Variants in POLR1C observed in about 807,000 individuals in gnomAD.
POLR1C encodes RNA polymerase I and III subunit C.
In POLR1C, 42 loss-of-function variants were observed where a neutral mutation model predicts 38.3. The observed-to-expected ratio is 1.10, with a 90% CI of 0.86 to 1.42. The LOEUF is 1.42. POLR1C is among the 40% of genes most tolerant of loss of function. POLR1C has a pLI of 0.00. For missense variants in POLR1C, 507 were observed against 450.5 expected, an observed-to-expected ratio of 1.13 and a Z score of -1.14; for synonymous variants, 163 against 163.9, an observed-to-expected ratio of 0.99 and a Z score of 0.04.
At chr6:43,548,182 T>A (rs1430182063) in intron 9 of POLR1C, 1 of 1,403,106 alleles carries the variant, frequency 7.1e-7, no homozygotes, top group East Asian at 2.3e-5. Context: ...CCTTAACCCC[T>A]ACCCCACCCT....
downstream of POLR1C, chr6:43,524,055 TA>T: frequency 6.3e-7 from 1 of 1,592,252 alleles, no homozygotes. Flanking sequence ...CAGTAGTAGT[TA>T]AAAGATTCTC....
intron 10 of POLR1C, among the ~76,000 whole-genome samples, chr6:43,556,481 G>A (rs777315435): frequency 3.2e-4 from 47 of 148,212 alleles, no homozygotes; most frequent in Non-Finnish European, 6.2e-4. Context: ...AGCCATGATC[G>A]CAGCACCACT....
chr6:43,523,297 T>G (rs1793311967), downstream of POLR1C: 1 of 233,308 alleles, frequency 4.3e-6, no homozygotes, highest in African/African-American at 2.3e-5. Context: ...GGTGACCAGA[T>G]TCTTGCCCAA....
At chr6:43,553,919 T>C (rs1330992522) in intron 10 of POLR1C, among the ~76,000 whole-genome samples, 1 of 152,150 alleles carries the variant, frequency 6.6e-6, no homozygotes, top group Non-Finnish European at 1.5e-5. Flanking sequence ...ATAATTAAAA[T>C]TGAGACCATA....
intron 10 of POLR1C, chr6:43,551,319 G>A: frequency 1.9e-6 from 3 of 1,613,192 alleles, no homozygotes; most frequent in Non-Finnish European, 1.7e-6. Flanking sequence ...CCTGGGGCAG[G>A]AACTCTGGTC....
downstream of POLR1C, chr6:43,522,924 A>G (rs1793285791): frequency 5.9e-6 from 1 of 169,174 alleles, no homozygotes; most frequent in South Asian, 1.2e-4. Context: ...TCTTTTGGAA[A>G]TGGCCTTTGA....
chr6:43,533,892 G>T, downstream of POLR1C: 1 of 1,574,448 alleles, frequency 6.4e-7, no homozygotes, highest in Non-Finnish European at 8.7e-7. Flanking sequence ...GGAGAAAAAA[G>T]GTTACATTTC....
At chr6:43,559,917 G>A (rs762467842) in intron 10 of POLR1C, among the ~76,000 whole-genome samples, 3 of 152,056 alleles carry the variant, frequency 2.0e-5, no homozygotes, top group Non-Finnish European at 2.9e-5. Context: ...CCAAGCTCAG[G>A]TGATCCTCCC....
At chr6:43,530,652 AC>A (rs1322404707), downstream of POLR1C, 2 of 1,602,194 alleles carry the variant, frequency 1.2e-6, no homozygotes, top group African/African-American at 2.7e-5. Context: ...TAATTTTCTG[AC>A]CTTTTGGGTT....
chr6:43,525,942 G>A (rs768572379), downstream of POLR1C: 1 of 1,612,592 alleles, frequency 6.2e-7, no homozygotes, highest in Non-Finnish European at 8.5e-7. Flanking sequence ...AGAGTAGAAT[G>A]TTAAGCTCCA....
chr6:43,520,566 G>A lies in POLR1C; in HGVS notation c.656-59G>A, dbSNP rs903303034. Reference sequence around the variant, plus strand: ...GCTTTTGCTGTTAGTAGCTTAGGAGGAGTATTCTTCCTAACCCTAGAAGGG... The same window carrying A: ...GCTTTTGCTGTTAGTAGCTTAGGAGAAGTATTCTTCCTAACCCTAGAAGGG... On this transcript the variant is annotated intron_variant, in intron 6 of 8. Coordinates refer to ENST00000642195, the MANE Select transcript of POLR1C (RefSeq NM_203290.4). 5.0e-6 allele frequency: 8 copies of A among 1,606,386 alleles called. No individual in the cohort carries two copies. The East Asian group carries it at 1.8e-4, about 36-fold the overall frequency.
intron 8 of POLR1C, chr6:43,527,733 T>C: frequency 6.2e-7 from 1 of 1,613,924 alleles, no homozygotes; most frequent in Non-Finnish European, 8.5e-7. Context: ...TCTTCTCCAC[T>C]GCAGAAAACC....
At chr6:43,521,522 G>GACT, downstream of POLR1C, 1 of 1,271,262 alleles carries the variant, frequency 7.9e-7, no homozygotes, top group Non-Finnish European at 1.0e-6. Flanking sequence ...AACTTTTTGA[G>GACT]ACTACTTTTG....
intron 9 of POLR1C, among the ~76,000 whole-genome samples, chr6:43,550,232 A>G (rs1795163650): frequency 6.6e-6 from 1 of 152,200 alleles, no homozygotes; most frequent in Non-Finnish European, 1.5e-5. Context: ...TTCTTTTATC[A>G]AAAGTTGTAT....
At chr6:43,537,202 C>T (rs1402374480) in intron 9 of POLR1C, among the ~76,000 whole-genome samples, 1 of 150,084 alleles carries the variant, frequency 6.7e-6, no homozygotes, top group East Asian at 1.9e-4. Context: ...AAACTCCTGG[C>T]CCCAAGAGAT....
At chr6:43,532,717 C>G (rs1224108324), downstream of POLR1C, among the ~76,000 whole-genome samples, 1 of 152,220 alleles carries the variant, frequency 6.6e-6, no homozygotes, top group African/African-American at 2.4e-5. Flanking sequence ...CCCTCTGAGA[C>G]TGGGTTAGGT....
chr6:43,520,245 C>T, intron 5 of POLR1C, 30 bp from the exon 6 acceptor site: 1 of 1,613,616 alleles, frequency 6.2e-7, no homozygotes, highest in African/African-American at 1.3e-5. Context: ...GTTTTAGGGA[C>T]TGAGATCTTC....
chr6:43,554,474 G>C (rs1761924980), intron 10 of POLR1C, among the ~76,000 whole-genome samples: 1 of 150,724 alleles, frequency 6.6e-6, no homozygotes, highest in African/African-American at 2.4e-5. Context: ...GCCCAGGCTG[G>C]AGTGCAGTGG....
At chr6:43,520,043 A>G in intron 4 of POLR1C, 23 bp from the exon 5 acceptor site, 1 of 1,613,726 alleles carries the variant, frequency 6.2e-7, no homozygotes, top group Non-Finnish European at 8.5e-7. Flanking sequence ...ACTAGTTCTT[A>G]GGAGCTCCCT....
Sources: gnomAD v4.1 joint callset for allele counts (sites outside exome capture counted in the v4.1 genomes callset) on GRCh38, gnomAD v4.1.1 for gene constraint, MANE v1.5 for transcripts, NCBI Gene and HGNC (gene_info 2026-07-23, HGNC 2026-07-21) for gene names.